Variants in CATSPERD observed in about 807,000 individuals in gnomAD.
CATSPERD encodes catsper channel auxiliary subunit delta.
Under a neutral mutation model 98.1 loss-of-function variants are expected in CATSPERD, and 86 were observed. That is an observed-to-expected ratio of 0.88 (90% confidence interval 0.74 to 1.05). CATSPERD has a LOEUF of 1.05. Among genes scored for constraint, CATSPERD ranks in the 50% least tolerant of loss-of-function variants. The pLI is 0.00. For missense variants in CATSPERD, 995 were observed against 1,005.7 expected (o/e 0.99, Z 0.14); for synonymous variants, 394 against 390.2 (o/e 1.01, Z -0.12).
At position 5,743,702 on chromosome 19, in the gene CATSPERD, C is replaced by CTCTG. The variant is rs1173728271; in HGVS notation, c.574-722_574-721insGTCT. Reference sequence around the variant, plus strand: ...TCTCTTCCTCTCTCTCTCTCTCTCTCTCTCTGTCTCTGTCTCTGTCTCTGT... The same window carrying CTCTG: ...TCTCTTCCTCTCTCTCTCTCTCTCTCTCTGTCTCTGTCTCTGTCTCTGTCTCTGT... On this transcript the variant is annotated intron_variant, in intron 7 of 21. Transcript: ENST00000381624. Among the ~76,000 whole-genome samples, 716 of 124,376 alleles carry CTCTG rather than the reference C, an allele frequency of 5.8e-3. 9 individuals carry two copies. Among genetic ancestry groups the CTCTG allele is most frequent in the African/African-American group, 0.02 (683 of 34,838 alleles). 81.6% of individuals were successfully genotyped at this position (124,376 alleles called of 152,430 possible).
chr19:5,743,683 CCTCTCTCTCT>C (rs146743330), intron 7 of CATSPERD, among the ~76,000 whole-genome samples: 11 of 143,934 alleles, frequency 7.6e-5, no homozygotes, highest in Non-Finnish European at 7.6e-5. Flanking sequence ...TCTCTCTCTT[CCTCTCTCTCT>C]CTCTCTCTCT....
In CATSPERD at chr19:5,772,810, G is replaced by C. The variant is rs764518920; in HGVS notation, c.1786G>C (p.Glu596Gln). ...VELWRKDSFQ[E>Q]VIDAEYVLLE... ...TAGGTGGCGAAAAGACAGTTTCCAG[G>C]AGGTCATCGACGCCGAGTATGTGTT... The change falls in exon 20 of 22, where the codon GAG (glutamate) becomes CAG (glutamine). Residue 596 changes from glutamate to glutamine, a missense_variant. By Grantham distance (29) the Glu-to-Gln change is conservative. This residue lies in a region of CATSPERD where 762 missense variants were observed against 773.7 expected (regional missense o/e 0.98). Transcript: ENST00000381624. The C allele has an allele frequency of 4.3e-6, 7 of 1,613,892 alleles. No individual in the cohort carries two copies. The Admixed American group carries it at 1.2e-4, about 27-fold the overall frequency.
At chr19:5,734,894 T>C (rs947201963) in intron 5 of CATSPERD, among the ~76,000 whole-genome samples, 3 of 151,816 alleles carry the variant, frequency 2.0e-5, no homozygotes, top group African/African-American at 7.3e-5. Context: ...CCAGTAGATG[T>C]CTGGTAACCA....
intron 7 of CATSPERD, among the ~76,000 whole-genome samples, chr19:5,740,973 T>C (rs1030182879): frequency 1.4e-5 from 2 of 140,202 alleles, no homozygotes; most frequent in South Asian, 2.3e-4. Flanking sequence ...TAGTCTCAGC[T>C]ACTTGGGAGG....
At chr19:5,745,672 T>G (rs1401802381) in intron 8 of CATSPERD, among the ~76,000 whole-genome samples, 3 of 152,204 alleles carry the variant, frequency 2.0e-5, no homozygotes, top group Non-Finnish European at 2.9e-5. Flanking sequence ...ATTGTGCATT[T>G]GACACTTAGA....
At chr19:5,776,339 C>T (rs201944929) in intron 21 of CATSPERD, 24 bp downstream of exon 21, 24 of 1,609,860 alleles carry the variant, frequency 1.5e-5, no homozygotes, top group African/African-American at 4.0e-5. Context: ...TCTGCCCCTA[C>T]GACAGGGGAC....
chr19:5,755,799 A>AT (rs2056314168), intron 13 of CATSPERD, among the ~76,000 whole-genome samples: 1 of 151,280 alleles, frequency 6.6e-6, no homozygotes, highest in South Asian at 2.1e-4. Context: ...AAATAAATAA[A>AT]AATAAATTAA....
intron 7 of CATSPERD, among the ~76,000 whole-genome samples, chr19:5,740,709 G>A (rs2055943568): frequency 6.8e-6 from 1 of 146,268 alleles, no homozygotes; most frequent in Non-Finnish European, 1.5e-5. Flanking sequence ...GAAGTTGCTT[G>A]AGCCAAGATT....
In CATSPERD at chr19:5,778,370, C is replaced by T; in HGVS notation, c.2097-6C>T. 6.3e-7 allele frequency: 1 copy of T among 1,596,196 alleles called. No individual in the cohort carries two copies. The highest frequency in any genetic ancestry group is 8.6e-7 in the Non-Finnish European group (1 of 1,168,590). On this transcript the variant is annotated splice_region_variant and splice_polypyrimidine_tract_variant and intron_variant, in intron 21 of 21. Transcript: ENST00000381624. ...AACAGCCTCTCCCCGCCTCCCCCCA[C>T]CGCAGCTACTGTCAACTGGAGACCA...
At chr19:5,767,781 ATTATT>A (rs60556564) in intron 17 of CATSPERD, among the ~76,000 whole-genome samples, 119,915 of 149,800 alleles carry the variant, frequency 0.8, 48,081 homozygotes, top group Non-Finnish European at 0.83. Context: ...TATTTGTTTT[ATTATT>A]TTATTTTAAT....
chr19:5,746,663 G>A (rs1487537650), intron 9 of CATSPERD, among the ~76,000 whole-genome samples: 1 of 151,912 alleles, frequency 6.6e-6, no homozygotes, highest in Non-Finnish European at 1.5e-5. Flanking sequence ...TCCATCTCCT[G>A]ACCGCGTAAT....
chr19:5,721,491 A>C (rs2055475610), intron 1 of CATSPERD, among the ~76,000 whole-genome samples: 1 of 151,908 alleles, frequency 6.6e-6, no homozygotes, highest in East Asian at 1.9e-4. Flanking sequence ...GTTAGTGCAT[A>C]CTCCAACCTG....
rs1047160194 is a variant in CATSPERD, at chr19:5,752,710, C to T, written c.1164+887C>T. Among the ~76,000 whole-genome samples the T allele has an allele frequency of 4.6e-5, 7 of 152,038 alleles. No homozygotes were observed. In the East Asian group the frequency reaches 5.8e-4, roughly 13 times the overall value. ...TTGAGAAATGCTGCGGGCCCAACAG[C>T]GTGGGGACTTCCAAAATCCATGGAA... On this transcript the variant is annotated intron_variant, in intron 12 of 21. Coordinates refer to ENST00000381624, the MANE Select transcript of CATSPERD (RefSeq NM_152784.4).
chr19:5,728,415 G>T (rs937981922), intron 3 of CATSPERD, among the ~76,000 whole-genome samples: 1 of 151,446 alleles, frequency 6.6e-6, no homozygotes, highest in Non-Finnish European at 1.5e-5. Flanking sequence ...ATTAGCTGGG[G>T]GTGGCAGTGT....
chr19:5,749,964 A>C (rs1179554748), intron 11 of CATSPERD, among the ~76,000 whole-genome samples: 6 of 150,878 alleles, frequency 4.0e-5, no homozygotes, highest in Non-Finnish European at 5.9e-5. Flanking sequence ...CCACCACACC[A>C]GGCTAAGTTT....
At chr19:5,762,081 T>TTTTTTTTTTA (rs2056451833) in intron 15 of CATSPERD, among the ~76,000 whole-genome samples, 2 of 113,736 alleles carry the variant, frequency 1.8e-5, no homozygotes, top group East Asian at 2.3e-4. Context: ...TTTTTTTTTT[T>TTTTTTTTTTA]GAGACACAGT....
intron 7 of CATSPERD, among the ~76,000 whole-genome samples, chr19:5,742,525 T>C (rs2056009462): frequency 6.6e-6 from 1 of 152,118 alleles, no homozygotes; most frequent in Admixed American, 6.6e-5. Context: ...CTCTCACCTG[T>C]AATCCCAGCA....
intron 5 of CATSPERD, 27 bp downstream of exon 5, chr19:5,733,997 T>G: frequency 6.9e-7 from 1 of 1,451,078 alleles, no homozygotes; most frequent in East Asian, 2.3e-5. Flanking sequence ...TTTTTAAATT[T>G]TGTTTGAGTG....
At chr19:5,764,463 C>T (rs1379355564) in intron 16 of CATSPERD, among the ~76,000 whole-genome samples, 1 of 151,194 alleles carries the variant, frequency 6.6e-6, no homozygotes, top group Non-Finnish European at 1.5e-5. Context: ...CTACAGGCGC[C>T]TGCCACCATG....
Sources: gnomAD v4.1 joint callset for allele counts (sites outside exome capture counted in the v4.1 genomes callset) on GRCh38, gnomAD v4.1.1 for gene constraint, gnomAD v4.1.1 regional missense constraint, MANE v1.5 for transcripts, NCBI Gene and HGNC (gene_info 2026-07-23, HGNC 2026-07-21) for gene names.